The following MIB2 variants were observed in gnomAD, a reference collection of about 807,000 sequenced individuals.
MIB2 encodes E3 ubiquitin-protein ligase MIB2.
MIB2 carries 78 observed loss-of-function variants against 96.6 expected under a neutral mutation model. That is an observed-to-expected ratio of 0.81 (90% CI 0.67 to 0.97). MIB2 has a LOEUF of 0.97. Ranked by LOEUF, MIB2 falls within the 50% of genes least tolerant of loss-of-function variation. The probability of loss-of-function intolerance (pLI) is 0.00; values close to 1 mark genes in which losing one functional copy is unlikely to be tolerated. For missense variants in MIB2, 1,543 were observed against 1,424.0 expected (o/e 1.08, Z -1.35); for synonymous variants, 820 against 629.5 (o/e 1.30, Z -4.53).
Position 1,629,551 on chromosome 1 carries a change from C to A in MIB2, c.2548C>A (p.Arg850Ser). 3.2e-6 allele frequency: 5 copies of A among 1,554,452 alleles called. No individual in the cohort carries two copies. The highest frequency in any genetic ancestry group is 4.3e-6 in the Non-Finnish European group (5 of 1,153,422). ...LLVLFSPCQH[R>S]TVCEECARRM... ...GGTGCTGTTCTCGCCGTGCCAGCAC[C>A]GCACCGTGTGTGAGGGTGAGTGGGG... Residue 850 changes from arginine to serine, a missense_variant, in exon 18 of 20, where the codon CGC (arginine) becomes AGC (serine). Physicochemically the swap from Arg to Ser is moderately radical, Grantham distance 110. Transcript: ENST00000355826.
Position 1,629,410 on chromosome 1 carries a change from G to A in MIB2, c.2407G>A (p.Ala803Thr), listed in dbSNP as rs1638261848. Residue 803 changes from alanine to threonine, a missense_variant, in exon 18 of 20, where the codon GCC (alanine) becomes ACC (threonine). Physicochemically the swap from Ala to Thr is moderately conservative, Grantham distance 58. Coordinates refer to ENST00000355826, the MANE Select transcript of MIB2 (RefSeq NM_001170687.4). ...FRERQAGGGA[A>T]PGPRQTLGTP... ...GGAGCGGCAGGCGGGCGGGGGCGCG[G>A]CCCCGGGCCCCAGGCAAACGCTCGG... 2 of 1,466,898 alleles carry A rather than the reference G, an allele frequency of 1.4e-6. No individual in the cohort carries two copies. The highest frequency in any genetic ancestry group is 8.9e-7 in the Non-Finnish European group (1 of 1,119,948). The allele number at this position is 1,466,898 out of a possible 1,614,324, so 90.9% of individuals were successfully genotyped here.
Position 1,616,612 on chromosome 1 carries a change from C to T in MIB2, c.-25C>T, listed in dbSNP as rs1210031024. The T allele has an allele frequency of 6.3e-7, 1 of 1,589,264 alleles. No homozygotes were observed. ...CCCGGCGGGCGACTGGACGGCCGGA[C>T]AGGTGAGCTCTTGATCGTCCGCGGC... is the stretch of plus-strand genomic sequence containing the variant. On this transcript the variant is annotated splice_region_variant and 5_prime_UTR_variant, in exon 2 of 20. Coordinates refer to ENST00000355826, the MANE Select transcript of MIB2 (RefSeq NM_001170687.4).
rs756044037 is a variant in MIB2, at chr1:1,628,191, G to T, written c.1841+12G>T. 1.3e-5 allele frequency: 21 copies of T among 1,612,846 alleles called. No individual in the cohort carries two copies. Among genetic ancestry groups the T allele is most frequent in the Non-Finnish European group, 1.8e-5 (21 of 1,179,686 alleles). On this transcript the variant is annotated intron_variant, in intron 14 of 19. Transcript: ENST00000355826. ...AAGGGTCACGCGCTGTGAGTGTGGG[G>T]TGGGCACACAGCTGCAGCCGGCCTC...
In MIB2 at chr1:1,623,464, C is replaced by T. The variant is rs1264643200; in HGVS notation, c.12C>T (p.Asp4=). Reference sequence around the variant, plus strand: ...CAGCCCCGCCCAACATGGACCCAGACCCCCAGGCGGGCGTGCAGGTGGGCA... The same window carrying T: ...CAGCCCCGCCCAACATGGACCCAGATCCCCAGGCGGGCGTGCAGGTGGGCA... MDP[D]PQAGVQVGMR... is the part of the protein sequence containing the mutation. The change falls in exon 3 of 20, where the codon GAC becomes GAT. Residue 4 remains aspartate, a synonymous_variant. Coordinates refer to ENST00000355826, the MANE Select transcript of MIB2 (RefSeq NM_001170687.4). The T allele has an allele frequency of 6.3e-7, 1 of 1,596,584 alleles. No individual in the cohort carries two copies. The highest frequency in any genetic ancestry group is 1.4e-5 in the African/African-American group (1 of 74,032).
Position 1,616,541 on chromosome 1 carries a change from C to A in MIB2, c.-96C>A, listed in dbSNP as rs2100293149. ...GCCCAGCGAGGCTAGAGGCCAGTCCCAAAGTTTCCAGGCATCAGGGCTGCA... is the reference window on the plus strand; with the variant it reads ...GCCCAGCGAGGCTAGAGGCCAGTCCAAAAGTTTCCAGGCATCAGGGCTGCA... On this transcript the variant is annotated 5_prime_UTR_variant, in exon 2 of 20. Transcript: ENST00000355826. 5 of 1,603,370 alleles carry A rather than the reference C, an allele frequency of 3.1e-6. No individual in the cohort carries two copies. Among genetic ancestry groups the A allele is most frequent in the Non-Finnish European group, 4.3e-6 (5 of 1,175,580 alleles).
In MIB2 at chr1:1,626,460, C is replaced by T. The variant is rs953400230; in HGVS notation, c.973-190C>T. 1.7e-6 allele frequency: 1 copy of T among 582,596 alleles called. No individual in the cohort carries two copies. The highest frequency in any genetic ancestry group is 3.0e-6 in the Non-Finnish European group (1 of 330,878). 36.1% of individuals were successfully genotyped at this position (582,596 alleles called of 1,614,324 possible). ...CCCATGGCTCTGGGGCTAGGGACAC[C>T]CAGGGCTGCCTTGGACACCTGGGGC... On this transcript the variant is annotated intron_variant, in intron 8 of 19. Transcript: ENST00000355826. The surrounding 1 kb of genome is among the most constrained non-coding windows in gnomAD (Gnocchi z 5.3).
chr1:1,619,010 T>G (rs1228672745), intron 2 of MIB2: 1 of 152,282 alleles, frequency 6.6e-6, no homozygotes, highest in African/African-American at 2.4e-5. Context: ...CTGCTGGCCC[T>G]GGGGCAATGG....
Position 1,625,886 on chromosome 1 carries a change from GTTAGGGCCTCCCTCTGTTC to G in MIB2, c.972+234_972+252del. The stretch of plus-strand genomic sequence containing the variant: ...TGTCTCTGGGAGCTGGAATGGGCAG[GTTAGGGCCTCCCTCTGTTC>G]CAGGACACCAGGAAGGCAGGACAGC... On this transcript the variant is annotated intron_variant, in intron 8 of 19. Coordinates refer to ENST00000355826, the MANE Select transcript of MIB2 (RefSeq NM_001170687.4). This position sits in a 1 kb window ranked among gnomAD's most constrained non-coding sequence, Gnocchi z 5.0. 1 of 575,758 alleles carries G rather than the reference GTTAGGGCCTCCCTCTGTTC, an allele frequency of 1.7e-6. No individual in the cohort carries two copies. The highest frequency in any genetic ancestry group is 3.1e-6 in the Non-Finnish European group (1 of 321,768). 35.7% of individuals were successfully genotyped at this position (575,758 alleles called of 1,614,324 possible). A position where few individuals can be genotyped will look rare whatever the true frequency, so the allele number is the denominator to read the frequency against.
upstream of MIB2, chr1:1,615,469 G>GT (rs1296260774): frequency 2.6e-6 from 4 of 1,518,816 alleles, no homozygotes; most frequent in African/African-American, 5.7e-5. Flanking sequence ...CATGGCGGGG[G>GT]CGCTCCGGCG....
intron 1 of MIB2, 154 bp from the exon 2 acceptor site, chr1:1,616,354 C>A: frequency 1.7e-6 from 1 of 595,770 alleles, no homozygotes; most frequent in South Asian, 2.6e-5. Flanking sequence ...CGCTCAGACC[C>A]CAGGGAGCCC....
chr1:1,629,037 T>G (rs1645096834), intron 16 of MIB2, 96 bp from the exon 17 acceptor site: 2 of 1,269,782 alleles, frequency 1.6e-6, no homozygotes, highest in Non-Finnish European at 2.0e-6. Flanking sequence ...ATTTTAGACA[T>G]GGGGCGCCGG....
intron 19 of MIB2, 21 bp downstream of exon 19, chr1:1,629,725 C>G (rs776119689): frequency 3.2e-6 from 5 of 1,567,656 alleles, no homozygotes; most frequent in East Asian, 4.7e-5. Context: ...CTCTGCGCCC[C>G]CAACACGCCT....
At chr1:1,621,048 C>T (rs929153730) in intron 2 of MIB2, among the ~76,000 whole-genome samples, 3 of 152,234 alleles carry the variant, frequency 2.0e-5, no homozygotes, top group African/African-American at 2.4e-5. Context: ...CAGGGGCTGC[C>T]GCTGTCACAG....
Position 1,627,806 on chromosome 1 carries a change from C to A in MIB2, c.1657C>A (p.Arg553Ser). 1 of 1,599,132 alleles carries A rather than the reference C, an allele frequency of 6.3e-7. No individual in the cohort carries two copies. Among genetic ancestry groups the A allele is most frequent in the South Asian group, 1.1e-5 (1 of 90,926 alleles). Residue 553 changes from arginine to serine, a missense_variant, in exon 13 of 20, where the codon CGC (arginine) becomes AGC (serine). By Grantham distance (110) the Arg-to-Ser change is moderately radical. Coordinates refer to ENST00000355826, the MANE Select transcript of MIB2 (RefSeq NM_001170687.4). ...FLEVVRALCE[R>S]GCDVNLPDAH... is the part of the protein sequence containing the mutation. ...GGAGGTGGTGCGGGCCCTGTGTGAG[C>A]GCGGCTGTGACGTCAACCTGCCCGT...
intron 4 of MIB2, chr1:1,624,167 C>T: frequency 1.7e-6 from 1 of 590,710 alleles, no homozygotes; most frequent in Non-Finnish European, 2.9e-6. Flanking sequence ...CAGCATCCCC[C>T]AGGGCGGCAT....
chr1:1,624,749 G>A (rs1382529471), intron 4 of MIB2, 46 bp from the exon 5 acceptor site: 3 of 1,556,602 alleles, frequency 1.9e-6, no homozygotes, highest in African/African-American at 2.7e-5. Context: ...GATGGGAAGA[G>A]ATGGCGGTTT....
chr1:1,624,348 C>T, intron 4 of MIB2: 1 of 381,614 alleles, frequency 2.6e-6, no homozygotes. Context: ...CTCTGGCCCT[C>T]CCTGCACGTG....
rs369872561 is a variant in MIB2, at chr1:1,623,597, G to A, written c.145G>A (p.Asp49Asn). The change falls in exon 3 of 20, where the codon GAC (aspartate) becomes AAC (asparagine). Residue 49 changes from aspartate to asparagine, a missense_variant. Coordinates refer to ENST00000355826, the MANE Select transcript of MIB2 (RefSeq NM_001170687.4). ...CCGCCACGGCAGCCCCTCGACACCCGACCGCACAGTGGTCGTGCAGTGGGA... is the reference window on the plus strand; with the variant it reads ...CCGCCACGGCAGCCCCTCGACACCCAACCGCACAGTGGTCGTGCAGTGGGA... ...LGRHGSPSTP[D>N]RTVVVQWDQG... 7.6e-5 allele frequency: 115 copies of A among 1,506,582 alleles called. No individual in the cohort carries two copies. The highest frequency in any genetic ancestry group is 5.4e-4 in the African/African-American group (39 of 71,838). 93.3% of individuals were successfully genotyped at this position (1,506,582 alleles called of 1,614,324 possible). A position where few individuals can be genotyped will look rare whatever the true frequency, so the allele number is the denominator to read the frequency against.
intron 2 of MIB2, among the ~76,000 whole-genome samples, chr1:1,619,669 C>A (rs1359211502): frequency 6.6e-6 from 1 of 152,166 alleles, no homozygotes; most frequent in Non-Finnish European, 1.5e-5. Context: ...ACATCCCAGC[C>A]CCCGGGGAGA....
Sources: gnomAD v4.1 joint callset for allele counts (sites outside exome capture counted in the v4.1 genomes callset) on GRCh38, gnomAD v4.1.1 for gene constraint, Gnocchi (gnomAD v3.1) non-coding constraint, MANE v1.5 for transcripts, NCBI Gene and HGNC (gene_info 2026-07-23, HGNC 2026-07-21) for gene names.